Variants in BAIAP2L1 observed in about 807,000 individuals in gnomAD.
BAIAP2L1 encodes BAR/IMD domain containing adaptor protein 2 like 1, also known as BAR/IMD domain-containing adapter protein 2-like 1.
A neutral mutation model predicts 66.3 loss-of-function variants in BAIAP2L1; 35 were observed. The observed-to-expected ratio is 0.53, with a 90% CI of 0.40 to 0.70. The LOEUF (loss-of-function observed/expected upper bound fraction) is 0.70. BAIAP2L1 is among the 30% of genes least tolerant of loss of function. BAIAP2L1 has a pLI of 0.00. For synonymous variants in BAIAP2L1, 269 were observed against 248.7 expected, an observed-to-expected ratio of 1.08 and a Z score of -0.77; for missense variants, 622 against 656.9, an observed-to-expected ratio of 0.95 and a Z score of 0.58.
intron 1 of BAIAP2L1, among the ~76,000 whole-genome samples, chr7:98,363,609 TAA>T (rs1370542082): frequency 1.3e-5 from 2 of 152,166 alleles, no homozygotes; most frequent in Non-Finnish European, 2.9e-5. Flanking sequence ...GTACAGACAA[TAA>T]GTCATTCCTA....
intron 2 of BAIAP2L1, among the ~76,000 whole-genome samples, chr7:98,356,400 G>A (rs1802118055): frequency 6.6e-6 from 1 of 152,164 alleles, no homozygotes; most frequent in Admixed American, 6.5e-5. Context: ...AGACCACACA[G>A]TTTTGGAGCT....
At chr7:98,395,610 A>T (rs923386042) in intron 1 of BAIAP2L1, among the ~76,000 whole-genome samples, 1 of 152,170 alleles carries the variant, frequency 6.6e-6, no homozygotes, top group Non-Finnish European at 1.5e-5. Context: ...ACTTAAGCAC[A>T]ACTTTATGTA....
intron 12 of BAIAP2L1, among the ~76,000 whole-genome samples, chr7:98,300,991 G>A (rs1427793570): frequency 3.9e-5 from 6 of 152,166 alleles, no homozygotes; most frequent in African/African-American, 7.2e-5. Context: ...TGCATCGAGC[G>A]CTCCCTGGAC....
rs771357977 is a variant in BAIAP2L1 at position 98,304,313 on chromosome 7, G to A, written c.1305C>T (p.Pro435=). 3.7e-6 allele frequency: 6 copies of A among 1,613,332 alleles called. No homozygotes were observed. Among genetic ancestry groups the A allele is most frequent in the Non-Finnish European group, 5.1e-6 (6 of 1,179,676 alleles). ...ACAAGCATTCCAAGTAGTCGGGTGG[G>A]GGGATGACAACACTGCTATTCTCAG... The part of the protein sequence containing the change: ...NLSENSSVVI[P]PPDYLECLSM... Residue 435 remains proline, a synonymous_variant, in exon 12 of 14, where the codon CCC becomes CCT. Transcript: ENST00000005260.
chr7:98,344,639 T>G (rs1361810645), intron 3 of BAIAP2L1, among the ~76,000 whole-genome samples: 1 of 152,060 alleles, frequency 6.6e-6, no homozygotes, highest in Non-Finnish European at 1.5e-5. Context: ...AAGTGTATCT[T>G]CTTCCTAAGA....
At chr7:98,337,757 AAG>A (rs1340763775) in intron 3 of BAIAP2L1, among the ~76,000 whole-genome samples, 1 of 152,028 alleles carries the variant, frequency 6.6e-6, no homozygotes, top group Non-Finnish European at 1.5e-5. Flanking sequence ...CTCTAATAAA[AAG>A]ATACAAAAAT....
At chr7:98,300,490 G>A (rs1800376716) in intron 12 of BAIAP2L1, among the ~76,000 whole-genome samples, 1 of 152,216 alleles carries the variant, frequency 6.6e-6, no homozygotes, top group South Asian at 2.1e-4. Flanking sequence ...GCAGATGACC[G>A]CGCCATGTCT....
intron 1 of BAIAP2L1, among the ~76,000 whole-genome samples, chr7:98,364,285 G>GT (rs1802341459): frequency 6.6e-6 from 1 of 152,136 alleles, no homozygotes. Context: ...CCTTTGCTTA[G>GT]TTTTCTGTTT....
At chr7:98,337,497 T>C (rs1404701080) in intron 3 of BAIAP2L1, among the ~76,000 whole-genome samples, 1 of 152,104 alleles carries the variant, frequency 6.6e-6, no homozygotes, top group African/African-American at 2.4e-5. Flanking sequence ...TCAGATACCT[T>C]CTTGTGTGAA....
chr7:98,334,496 T>C lies in BAIAP2L1; in HGVS notation c.215-14198A>G, dbSNP rs551889778. ...CTTATTTCAATTTGAAACAAGAACA[T>C]ACAAACCCAGAATCTGCAGCCTGGC... On this transcript the variant is annotated intron_variant, in intron 3 of 13. Coordinates refer to ENST00000005260, the MANE Select transcript of BAIAP2L1 (RefSeq NM_018842.5). Among the ~76,000 whole-genome samples, 7 of 152,258 alleles carry C rather than the reference T, an allele frequency of 4.6e-5. No homozygotes were observed. The South Asian group carries it at 1.0e-3, about 23-fold the overall frequency.
chr7:98,382,320 G>GA (rs1802778922), intron 1 of BAIAP2L1, among the ~76,000 whole-genome samples: 1 of 151,968 alleles, frequency 6.6e-6, no homozygotes, highest in African/African-American at 2.4e-5. Flanking sequence ...TAACTTGAAG[G>GA]AAAAAATAAT....
Position 98,380,469 on chromosome 7 carries a change from T to C in BAIAP2L1, c.52-18037A>G, listed in dbSNP as rs1802728714. ...AAGCAGCAAAAGCGGAAACCCCTGATAAACCCATCAGATCTTGTGAGACTT... is the reference window on the plus strand; with the variant it reads ...AAGCAGCAAAAGCGGAAACCCCTGACAAACCCATCAGATCTTGTGAGACTT... On this transcript the variant is annotated intron_variant, in intron 1 of 13. Coordinates refer to ENST00000005260, the MANE Select transcript of BAIAP2L1 (RefSeq NM_018842.5). Among the ~76,000 whole-genome samples, 6 of 151,978 alleles carry C rather than the reference T, an allele frequency of 3.9e-5. No individual in the cohort carries two copies. In the Admixed American group the frequency reaches 3.9e-4, roughly 10 times the overall value.
intron 2 of BAIAP2L1, among the ~76,000 whole-genome samples, chr7:98,360,262 C>T (rs530529470): frequency 2.0e-5 from 3 of 151,938 alleles, no homozygotes; most frequent in East Asian, 3.9e-4. Context: ...GACGGGGTCT[C>T]GAATTCCTGG....
intron 1 of BAIAP2L1, among the ~76,000 whole-genome samples, chr7:98,398,112 G>C (rs1004428816): frequency 1.3e-5 from 2 of 152,006 alleles, no homozygotes; most frequent in Admixed American, 1.3e-4. Context: ...ATACTAGCAA[G>C]TCATTAAAAA....
At chr7:98,350,428 C>T (rs1801975395) in intron 3 of BAIAP2L1, among the ~76,000 whole-genome samples, 1 of 151,916 alleles carries the variant, frequency 6.6e-6, no homozygotes, top group African/African-American at 2.4e-5. Flanking sequence ...GAGGCTGAGG[C>T]GGGCAGATCA....
intron 1 of BAIAP2L1, chr7:98,385,728 C>CT (rs112286286): frequency 0.25 from 261,017 of 1,045,744 alleles, 11,785 homozygotes; most frequent in Admixed American, 0.32. Context: ...ATCAACATTT[C>CT]TTTTTTTTGT....
In BAIAP2L1 at chr7:98,357,031, ATATATATATATATATATATTTTTTTTT is replaced by A. The variant is rs1562782850; in HGVS notation, c.128-1930_128-1904del. Among the ~76,000 whole-genome samples, 3 of 15,608 alleles carry A rather than the reference ATATATATATATATATATATTTTTTTTT, an allele frequency of 1.9e-4. 1 individual carries two copies. The highest frequency in any genetic ancestry group is 3.3e-4 in the Non-Finnish European group (3 of 9,076). The allele number at this position is 15,608 out of a possible 152,430, so 10.2% of individuals were successfully genotyped here. ...AAAAAAAAAAAAAAAATATATATAT[ATATATATATATATATATATTTTTTTTT>A]TTTTTTTTTTAAGAGTAGGGGTCTC... On this transcript the variant is annotated intron_variant, in intron 2 of 13. Transcript: ENST00000005260.
intron 6 of BAIAP2L1, among the ~76,000 whole-genome samples, chr7:98,316,613 G>A (rs115985479): frequency 0.024 from 3,695 of 152,226 alleles, 149 homozygotes; most frequent in African/African-American, 0.085. Context: ...AATTCTTATT[G>A]TTTCTATGTG....
At chr7:98,306,125 A>C (rs758629730) in intron 11 of BAIAP2L1, among the ~76,000 whole-genome samples, 17 of 152,186 alleles carry the variant, frequency 1.1e-4, no homozygotes, top group Non-Finnish European at 2.4e-4. Context: ...CGGTAAGATA[A>C]GTGTAAGATA....
Sources: gnomAD v4.1 joint callset for allele counts (sites outside exome capture counted in the v4.1 genomes callset) on GRCh38, gnomAD v4.1.1 for gene constraint, MANE v1.5 for transcripts, NCBI Gene and HGNC (gene_info 2026-07-23, HGNC 2026-07-21) for gene names.